Variants in NRXN3 observed in about 807,000 individuals in gnomAD.
NRXN3 encodes the protein neurexin 3.
In NRXN3, 32 loss-of-function variants were observed where a neutral mutation model predicts 137.6. That is an observed-to-expected ratio of 0.23 (90% confidence interval 0.18 to 0.31). The LOEUF is 0.31. Among genes scored for constraint, NRXN3 ranks in the 10% least tolerant of loss-of-function variants. The probability of loss-of-function intolerance (pLI) is 1.00; values close to 1 mark genes in which losing one functional copy is unlikely to be tolerated. For synonymous variants in NRXN3, 798 were observed against 784.5 expected (o/e 1.02, Z -0.29); for missense variants, 1,574 against 2,062.5 (o/e 0.76, Z 4.59).
At chr14:78,611,543 T>A (rs2097301227) in intron 4 of NRXN3, among the ~76,000 whole-genome samples, 1 of 152,188 alleles carries the variant, frequency 6.6e-6, no homozygotes, top group South Asian at 2.1e-4. Context: ...TACATTGCTT[T>A]TTCATTTGGA....
At chr14:78,490,735 A>T (rs2095651025) in intron 4 of NRXN3, among the ~76,000 whole-genome samples, 1 of 152,224 alleles carries the variant, frequency 6.6e-6, no homozygotes, top group Non-Finnish European at 1.5e-5. Context: ...TACATATATT[A>T]ACATTTATTA....
intron 16 of NRXN3, among the ~76,000 whole-genome samples, chr14:79,651,599 T>C (rs2098476472): frequency 6.6e-6 from 1 of 152,142 alleles, no homozygotes; most frequent in African/African-American, 2.4e-5. Context: ...ACTGATGTTA[T>C]TATTGAATAG....
intron 10 of NRXN3, among the ~76,000 whole-genome samples, chr14:78,827,727 G>A (rs2098970974): frequency 6.6e-6 from 1 of 152,188 alleles, no homozygotes; most frequent in African/African-American, 2.4e-5. Context: ...ACTGCAGTGG[G>A]AGCTGACATG....
intron 15 of NRXN3, among the ~76,000 whole-genome samples, chr14:79,073,985 A>G (rs1350635448): frequency 6.6e-6 from 1 of 152,246 alleles, no homozygotes; most frequent in African/African-American, 2.4e-5. Flanking sequence ...AGTACCTGCC[A>G]TATGGTAGGC....
intron 15 of NRXN3, among the ~76,000 whole-genome samples, chr14:79,242,028 C>CT (rs1369229997): frequency 1.3e-5 from 2 of 151,924 alleles, no homozygotes; most frequent in African/African-American, 4.8e-5. Flanking sequence ...GATCACGCCA[C>CT]TGCACTCCAG....
At chr14:79,103,773 C>T (rs1252397185) in intron 15 of NRXN3, among the ~76,000 whole-genome samples, 1 of 152,142 alleles carries the variant, frequency 6.6e-6, no homozygotes, top group East Asian at 1.9e-4. Context: ...GAGGTATATT[C>T]TCCTTCTGTA....
At chr14:78,225,786 A>G (rs1176306864) in intron 1 of NRXN3, among the ~76,000 whole-genome samples, 2 of 151,476 alleles carry the variant, frequency 1.3e-5, no homozygotes, top group Non-Finnish European at 2.9e-5. Context: ...CTGCTGGGAC[A>G]CCTCCCCTGT....
intron 10 of NRXN3, 33 bp downstream of exon 10, chr14:78,810,377 T>TAA (rs770134012): frequency 0.023 from 16,825 of 725,156 alleles, 12 homozygotes; most frequent in South Asian, 0.029. Flanking sequence ...TTTTGTTCTT[T>TAA]AAAAAAAAAA....
intron 15 of NRXN3, among the ~76,000 whole-genome samples, chr14:79,296,253 A>G (rs181382724): frequency 3.3e-5 from 5 of 152,158 alleles, no homozygotes; most frequent in Non-Finnish European, 5.9e-5. Context: ...AGGTAAGAAC[A>G]TACAGTATTT....
intron 10 of NRXN3, among the ~76,000 whole-genome samples, chr14:78,812,215 T>C (rs2098916193): frequency 6.6e-6 from 1 of 152,224 alleles, no homozygotes; most frequent in Non-Finnish European, 1.5e-5. Flanking sequence ...TAGGTAACTA[T>C]TGGTGTGCTT....
intron 4 of NRXN3, among the ~76,000 whole-genome samples, chr14:78,627,067 G>A (rs1002049203): frequency 6.7e-6 from 1 of 149,466 alleles, no homozygotes; most frequent in African/African-American, 2.5e-5. Context: ...TTTTTTGTTT[G>A]TTTGTTTCTC....
Position 79,766,355 on chromosome 14 carries a change from G to A in NRXN3, c.4015-38757G>A, listed in dbSNP as rs181837254. The stretch of plus-strand genomic sequence containing the variant: ...TCATGTCATGTGGCTAACGATTCAT[G>A]CCAAAGGTTGTCCGCATCTTATGTA... On this transcript the variant is annotated intron_variant, in intron 19 of 20. Coordinates refer to ENST00000335750, the MANE Select transcript of NRXN3 (RefSeq NM_001330195.2). 1.4e-3 allele frequency among the ~76,000 whole-genome samples: 211 copies of A among 152,266 alleles called. 1 individual carries two copies. Among genetic ancestry groups the A allele is most frequent in the African/African-American group, 4.8e-3 (201 of 41,542 alleles).
At chr14:79,327,731 A>G (rs1303462341) in intron 15 of NRXN3, among the ~76,000 whole-genome samples, 1 of 152,212 alleles carries the variant, frequency 6.6e-6, no homozygotes, top group African/African-American at 2.4e-5. Flanking sequence ...CTTGTATTAT[A>G]TAAATATATT....
At chr14:79,324,238 A>G (rs1165229681) in intron 15 of NRXN3, among the ~76,000 whole-genome samples, 2 of 152,238 alleles carry the variant, frequency 1.3e-5, no homozygotes, top group Non-Finnish European at 2.9e-5. Context: ...GATTCTGTGA[A>G]AATTTTAGAT....
chr14:78,290,812 T>A (rs1283991559), intron 3 of NRXN3, among the ~76,000 whole-genome samples: 1 of 152,210 alleles, frequency 6.6e-6, no homozygotes, highest in Non-Finnish European at 1.5e-5. Flanking sequence ...TGCATGCCCC[T>A]GTCTTGGATG....
intron 4 of NRXN3, among the ~76,000 whole-genome samples, chr14:78,586,254 G>GT (rs1017923410): frequency 9.2e-5 from 14 of 151,778 alleles, no homozygotes; most frequent in African/African-American, 3.1e-4. Context: ...TTTTGTTTTT[G>GT]TTTTTTTTGA....
intron 15 of NRXN3, among the ~76,000 whole-genome samples, chr14:79,329,591 C>G (rs78758609): frequency 6.6e-6 from 1 of 152,202 alleles, no homozygotes; most frequent in East Asian, 1.9e-4. Flanking sequence ...TCCAGTAAAA[C>G]TTTATTTACA....
intron 10 of NRXN3, among the ~76,000 whole-genome samples, chr14:78,849,910 A>G (rs747228131): frequency 1.3e-5 from 2 of 152,184 alleles, no homozygotes; most frequent in Non-Finnish European, 2.9e-5. Context: ...GTGGAAAGAA[A>G]TGTTGACAGC....
At chr14:79,221,299 T>G (rs568939599) in intron 15 of NRXN3, among the ~76,000 whole-genome samples, 6 of 152,134 alleles carry the variant, frequency 3.9e-5, no homozygotes, top group African/African-American at 1.4e-4. Context: ...AAATGGTATT[T>G]CTGGTTCTAG....
Sources: gnomAD v4.1 joint callset for allele counts (sites outside exome capture counted in the v4.1 genomes callset) on GRCh38, gnomAD v4.1.1 for gene constraint, MANE v1.5 for transcripts, NCBI Gene and HGNC (gene_info 2026-07-23, HGNC 2026-07-21) for gene names.